Variants in GRIK1 observed in about 807,000 individuals in gnomAD.
The protein encoded by GRIK1 is glutamate ionotropic receptor kainate type subunit 1, also known as glutamate receptor ionotropic, kainate 1.
GRIK1 carries 69 observed loss-of-function variants against 105.7 expected under a neutral mutation model. The observed-to-expected ratio is 0.65, with a 90% confidence interval of 0.54 to 0.80. The LOEUF is 0.80. Ranked by LOEUF, GRIK1 falls within the 30% of genes least tolerant of loss-of-function variation. The probability of loss-of-function intolerance (pLI) is 0.00; values close to 1 mark genes in which losing one functional copy is unlikely to be tolerated. For synonymous variants in GRIK1, 438 were observed against 431.3 expected, an observed-to-expected ratio of 1.02 and a Z score of -0.19; for missense variants, 1,109 against 1,167.3, an observed-to-expected ratio of 0.95 and a Z score of 0.73.
chr21:29,894,435 G>T (rs573611075), intron 1 of GRIK1, among the ~76,000 whole-genome samples: 18 of 152,170 alleles, frequency 1.2e-4, no homozygotes, highest in Non-Finnish European at 2.5e-4. Context: ...TCCAGCATGG[G>T]AGAAGGATGA....
chr21:29,698,197 T>G (rs904123263), intron 1 of GRIK1, among the ~76,000 whole-genome samples: 53 of 152,248 alleles, frequency 3.5e-4, no homozygotes, highest in African/African-American at 1.2e-3. Flanking sequence ...GCCCATTGGT[T>G]TGAGATGAGA....
chr21:29,549,341 G>T (rs1216154082), intron 16 of GRIK1, among the ~76,000 whole-genome samples: 1 of 152,074 alleles, frequency 6.6e-6, no homozygotes, highest in African/African-American at 2.4e-5. Flanking sequence ...CGTTAGGATT[G>T]TTGGGGAAAA....
At chr21:29,804,973 C>G (rs972173637) in intron 1 of GRIK1, among the ~76,000 whole-genome samples, 1 of 152,140 alleles carries the variant, frequency 6.6e-6, no homozygotes, top group African/African-American at 2.4e-5. Context: ...AACTTCACCT[C>G]TTAAAGGCAA....
chr21:29,725,712 T>C (rs2064440584), intron 1 of GRIK1, among the ~76,000 whole-genome samples: 1 of 152,172 alleles, frequency 6.6e-6, no homozygotes, highest in South Asian at 2.1e-4. Flanking sequence ...TGAGAGTGCA[T>C]AAAGTATGCC....
chr21:29,724,177 A>G (rs1165753063), intron 1 of GRIK1, among the ~76,000 whole-genome samples: 2 of 152,240 alleles, frequency 1.3e-5, no homozygotes, highest in Non-Finnish European at 2.9e-5. Flanking sequence ...AATTAACCAG[A>G]TAATTCCTTT....
At chr21:29,816,317 G>A (rs1255491799) in intron 1 of GRIK1, among the ~76,000 whole-genome samples, 1 of 152,200 alleles carries the variant, frequency 6.6e-6, no homozygotes, top group South Asian at 2.1e-4. Flanking sequence ...TGAGGATGAG[G>A]AGAAAGGGGA....
intron 11 of GRIK1, 138 bp downstream of exon 11, chr21:29,588,701 T>C (rs1204852910): frequency 6.4e-6 from 4 of 622,748 alleles, no homozygotes; most frequent in East Asian, 2.7e-5. Flanking sequence ...GCAAACTCCA[T>C]TTCCAGGCTG....
intron 1 of GRIK1, among the ~76,000 whole-genome samples, chr21:29,890,078 T>A (rs1367713870): frequency 6.6e-6 from 1 of 152,134 alleles, no homozygotes; most frequent in East Asian, 1.9e-4. Context: ...ATACTGTTTG[T>A]CTGAATTATA....
chr21:29,550,008 T>C (rs975000257), intron 16 of GRIK1, among the ~76,000 whole-genome samples: 11 of 145,294 alleles, frequency 7.6e-5, no homozygotes, highest in African/African-American at 2.8e-4. Context: ...CTCAGGAGGC[T>C]GAGGCAAGAG....
chr21:29,664,749 T>C (rs938888495), intron 4 of GRIK1, among the ~76,000 whole-genome samples: 2 of 152,156 alleles, frequency 1.3e-5, no homozygotes, highest in Non-Finnish European at 2.9e-5. Context: ...TTTGATAAGA[T>C]CTTGCATTTA....
chr21:29,673,036 A>G lies in GRIK1; in HGVS notation c.673T>C (p.Phe225Leu), dbSNP rs750159587. The G allele has an allele frequency of 3.1e-6, 5 of 1,613,288 alleles. No homozygotes were observed. Among genetic ancestry groups the G allele is most frequent in the South Asian group, 2.2e-5 (2 of 91,032 alleles). The stretch of plus-strand genomic sequence containing the variant: ...TGTGAACAATCAAATATCACATAGA[A>G]CTCCTTGCCTTTCTTCATCTCCTTG... ...LLKEMKKGKE[F>L]YVIFDCSHET... is the part of the protein sequence containing the mutation. The change falls in exon 4 of 18, where the codon TTC becomes CTC. Residue 225 changes from phenylalanine to leucine, a missense_variant. By Grantham distance (22) the Phe-to-Leu change is conservative. Coordinates refer to ENST00000327783, the MANE Select transcript of GRIK1 (RefSeq NM_001330994.2).
chr21:29,912,310 G>A (rs988868791), intron 1 of GRIK1, among the ~76,000 whole-genome samples: 2 of 151,972 alleles, frequency 1.3e-5, no homozygotes, highest in South Asian at 4.1e-4. Flanking sequence ...AGACATGCCA[G>A]CCGCTAGATA....
At chr21:29,542,563 G>T (rs1445034813) in intron 16 of GRIK1, among the ~76,000 whole-genome samples, 1 of 152,162 alleles carries the variant, frequency 6.6e-6, no homozygotes, top group Non-Finnish European at 1.5e-5. Flanking sequence ...AATTGGATTT[G>T]AGTTTGCAGT....
At chr21:29,795,564 A>G (rs2066533147) in intron 1 of GRIK1, among the ~76,000 whole-genome samples, 1 of 151,992 alleles carries the variant, frequency 6.6e-6, no homozygotes, top group African/African-American at 2.4e-5. Flanking sequence ...TTCTTATCCT[A>G]TTGCCCCATA....
chr21:29,797,134 C>CA (rs1045977505), intron 1 of GRIK1, among the ~76,000 whole-genome samples: 11 of 151,730 alleles, frequency 7.2e-5, no homozygotes, highest in African/African-American at 2.4e-4. Context: ...TCCTTACCTG[C>CA]AAAAAAAAGA....
At chr21:29,636,945 A>G (rs1473321606) in intron 7 of GRIK1, among the ~76,000 whole-genome samples, 1 of 152,146 alleles carries the variant, frequency 6.6e-6, no homozygotes, top group East Asian at 1.9e-4. Context: ...GGATCACTCC[A>G]TCTGGGCCCA....
chr21:29,553,982 A>C (rs146405103), intron 16 of GRIK1, among the ~76,000 whole-genome samples: 26 of 152,282 alleles, frequency 1.7e-4, no homozygotes, highest in African/African-American at 6.3e-4. Context: ...CATTGTTGTC[A>C]TAGTTGCCTT....
At chr21:29,900,493 T>C (rs2070358937) in intron 1 of GRIK1, among the ~76,000 whole-genome samples, 1 of 133,674 alleles carries the variant, frequency 7.5e-6, no homozygotes, top group Non-Finnish European at 1.6e-5. Flanking sequence ...AGGGTTGCAA[T>C]CCTGGTCTCT....
intron 7 of GRIK1, among the ~76,000 whole-genome samples, chr21:29,615,924 C>T (rs2061839928): frequency 1.3e-5 from 2 of 152,132 alleles, no homozygotes; most frequent in Non-Finnish European, 2.9e-5. Context: ...CCACAGGGCT[C>T]CCAAGTCTTC....
Sources: allele counts gnomAD v4.1 joint callset (sites outside exome capture counted in the v4.1 genomes callset), GRCh38; gene constraint gnomAD v4.1.1; transcripts MANE v1.5; gene names NCBI Gene and HGNC (gene_info 2026-07-23, HGNC 2026-07-21).